The following SMURF1 variants were observed in gnomAD, a reference collection of about 807,000 sequenced individuals.
SMURF1 encodes E3 ubiquitin-protein ligase SMURF1.
A neutral mutation model predicts 98.0 loss-of-function variants in SMURF1; 44 were observed. The ratio of observed to expected loss-of-function variants is 0.45; its 90% confidence interval spans 0.35 to 0.58. The LOEUF is 0.58. Ranked by LOEUF, SMURF1 falls within the 20% of genes least tolerant of loss-of-function variation. The pLI is 0.00. For missense variants in SMURF1, 687 were observed against 938.4 expected, an observed-to-expected ratio of 0.73 and a Z score of 3.50; for synonymous variants, 396 against 374.9, an observed-to-expected ratio of 1.06 and a Z score of -0.65.
At chr7:99,052,511 G>C in intron 6 of SMURF1, 65 bp from the exon 7 acceptor site, 1 of 1,453,410 alleles carries the variant, frequency 6.9e-7, no homozygotes, top group African/African-American at 1.4e-5. Flanking sequence ...CAGCGCCTTA[G>C]GGCTAGTGTC....
chr7:99,050,665 A>G (rs1012416780), intron 8 of SMURF1: 1 of 373,014 alleles, frequency 2.7e-6, no homozygotes, highest in African/African-American at 2.0e-5. Context: ...AGGGGGTACA[A>G]AAGAGACACC....
chr7:99,041,395 C>G (rs1053376067), intron 12 of SMURF1, among the ~76,000 whole-genome samples: 1 of 151,940 alleles, frequency 6.6e-6, no homozygotes, highest in African/African-American at 2.4e-5. Context: ...CAGCGAGACT[C>G]TCTCTCAAAA....
At chr7:99,052,930 G>A (rs1002277605) in intron 6 of SMURF1, among the ~76,000 whole-genome samples, 2 of 152,190 alleles carry the variant, frequency 1.3e-5, no homozygotes, top group African/African-American at 4.8e-5. Flanking sequence ...TGGGTGTGGT[G>A]GCACACGCCT....
chr7:99,114,670 T>C (rs1350177134), intron 1 of SMURF1, among the ~76,000 whole-genome samples: 1 of 152,184 alleles, frequency 6.6e-6, no homozygotes, highest in Non-Finnish European at 1.5e-5. Flanking sequence ...AACGGACATA[T>C]ACAGGACAGT....
chr7:99,034,498 G>GC (rs1554436216), intron 16 of SMURF1, among the ~76,000 whole-genome samples: 1 of 151,880 alleles, frequency 6.6e-6, no homozygotes, highest in Non-Finnish European at 1.5e-5. Flanking sequence ...CACACCTCCT[G>GC]TTTTTTTTCC....
At chr7:99,058,676 T>C (rs1343587522) in intron 3 of SMURF1, among the ~76,000 whole-genome samples, 1 of 152,200 alleles carries the variant, frequency 6.6e-6, no homozygotes, top group African/African-American at 2.4e-5. Context: ...AGAATATAAT[T>C]CTTAAAAATC....
intron 16 of SMURF1, among the ~76,000 whole-genome samples, chr7:99,034,114 C>A (rs1795026901): frequency 6.6e-6 from 1 of 152,176 alleles, no homozygotes; most frequent in South Asian, 2.1e-4. Flanking sequence ...CTGGCTCCTC[C>A]CCCTCACAGG....
At chr7:99,100,423 C>CG (rs1797051833) in intron 1 of SMURF1, among the ~76,000 whole-genome samples, 1 of 152,050 alleles carries the variant, frequency 6.6e-6, no homozygotes, top group African/African-American at 2.4e-5. Context: ...GGCATGGTGG[C>CG]GGGCGCCTAT....
chr7:99,095,908 C>T (rs1796946941), intron 1 of SMURF1, among the ~76,000 whole-genome samples: 1 of 152,162 alleles, frequency 6.6e-6, no homozygotes, highest in African/African-American at 2.4e-5. Flanking sequence ...CCCAGATGTC[C>T]AGCTGCTTTT....
At chr7:99,050,580 C>A in intron 8 of SMURF1, 1 of 185,318 alleles carries the variant, frequency 5.4e-6, no homozygotes, top group Non-Finnish European at 1.1e-5. Flanking sequence ...TCAACACAAT[C>A]TACAGTCAGA....
chr7:99,040,379 G>A lies in SMURF1; in HGVS notation c.1549C>T (p.Leu517=). The A allele has an allele frequency of 2.0e-6, 3 of 1,512,418 alleles. No individual in the cohort carries two copies. The highest frequency in any genetic ancestry group is 2.7e-6 in the Non-Finnish European group (3 of 1,128,034). The allele number at this position is 1,512,418 out of a possible 1,614,324, so 93.7% of individuals were successfully genotyped here. The stretch of plus-strand genomic sequence containing the variant: ...GACCGGCCGTCAGTCAATACTTACA[G>A]GATCCACACCAAGCTCTTATGCAGC... ...PELHKSLVWI[L]ENDITPVLDH... is the part of the protein sequence containing the mutation. Residue 517 remains leucine, a splice_region_variant and synonymous_variant, in exon 13 of 18, where the codon CTA becomes TTA. Coordinates refer to ENST00000361368, the MANE Select transcript of SMURF1 (RefSeq NM_181349.3).
intron 1 of SMURF1, among the ~76,000 whole-genome samples, chr7:99,138,512 G>A (rs567429643): frequency 6.6e-6 from 1 of 152,100 alleles, no homozygotes; most frequent in Non-Finnish European, 1.5e-5. Flanking sequence ...TGACTGAACC[G>A]AGAAAATGAA....
intron 7 of SMURF1, 95 bp downstream of exon 7, chr7:99,052,110 G>A (rs1434540350): frequency 2.1e-6 from 3 of 1,448,248 alleles, no homozygotes; most frequent in Non-Finnish European, 2.7e-6. Context: ...ACTCCAGCAT[G>A]GGTGACAGCA....
In SMURF1 at chr7:99,049,844, G is replaced by A; in HGVS notation, c.807-135C>T. ...AGCTCTGCTAAGATGGACCTTCGTG[G>A]TGCTACTTACGCCAAACCTCTACTC... On this transcript the variant is annotated intron_variant, in intron 8 of 17. Coordinates refer to ENST00000361368, the MANE Select transcript of SMURF1 (RefSeq NM_181349.3). 5 of 802,074 alleles carry A rather than the reference G, an allele frequency of 6.2e-6. No homozygotes were observed. The South Asian group carries it at 7.3e-5, about 12-fold the overall frequency. The allele number at this position is 802,074 out of a possible 1,614,324, so 49.7% of individuals were successfully genotyped here.
At chr7:99,109,395 T>C (rs1797271420) in intron 1 of SMURF1, among the ~76,000 whole-genome samples, 1 of 152,168 alleles carries the variant, frequency 6.6e-6, no homozygotes, top group South Asian at 2.1e-4. Context: ...TCAGTTGACT[T>C]GGCACCCACC....
At position 99,047,725 on chromosome 7, in the gene SMURF1, C is replaced by T; in HGVS notation, c.1111G>A (p.Gly371Ser). The T allele has an allele frequency of 1.7e-5, 28 of 1,614,212 alleles. No individual in the cohort carries two copies. Among genetic ancestry groups the T allele is most frequent in the Non-Finnish European group, 2.4e-5 (28 of 1,180,040 alleles). Residue 371 changes from glycine to serine, a missense_variant, in exon 10 of 18, where the codon GGT (glycine) becomes AGT (serine). Physicochemically the swap from Gly to Ser is moderately conservative, Grantham distance 56. This residue lies in a region of SMURF1 where 415 missense variants were observed against 508.4 expected (regional missense o/e 0.82). Transcript: ENST00000361368. ...HELSLQQPQAGHCRIEVSREE... is the reference protein window; with the variant it reads ...HELSLQQPQASHCRIEVSREE... Reference sequence around the variant, plus strand: ...CTGGACACTTCGATGCGGCAATGACCAGCTTGGGGCTGCTGAAGCGACAGT... The same window carrying T: ...CTGGACACTTCGATGCGGCAATGACTAGCTTGGGGCTGCTGAAGCGACAGT...
intron 1 of SMURF1, among the ~76,000 whole-genome samples, chr7:99,085,196 CA>C (rs1350562921): frequency 6.6e-6 from 1 of 151,308 alleles, no homozygotes; most frequent in Non-Finnish European, 1.5e-5. Flanking sequence ...ACTAAAAATA[CA>C]AAAAAATTAG....
chr7:99,124,824 C>T (rs144617299), intron 1 of SMURF1, among the ~76,000 whole-genome samples: 133 of 152,316 alleles, frequency 8.7e-4, no homozygotes, highest in African/African-American at 3.2e-3. Flanking sequence ...CCTCTGAATG[C>T]CACTGCGCTT....
At chr7:99,122,769 T>TTTTTTA (rs1554449699) in intron 1 of SMURF1, among the ~76,000 whole-genome samples, 1 of 129,088 alleles carries the variant, frequency 7.7e-6, no homozygotes, top group Non-Finnish European at 1.6e-5. Flanking sequence ...TTTTTTTTTT[T>TTTTTTA]ACATAATTAA....
Sources: gnomAD v4.1 joint callset for allele counts (sites outside exome capture counted in the v4.1 genomes callset) on GRCh38, gnomAD v4.1.1 for gene constraint, gnomAD v4.1.1 regional missense constraint, MANE v1.5 for transcripts, NCBI Gene and HGNC (gene_info 2026-07-23, HGNC 2026-07-21) for gene names.